Variants in SPMIP7 observed in about 807,000 individuals in gnomAD.
SPMIP7 encodes the protein sperm microtubule inner protein 7.
At chr7:50,158,245 A>T in the SPMIP7 span, among the ~76,000 whole-genome samples, 1 of 145,848 alleles carries the variant, frequency 6.9e-6, no homozygotes, top group East Asian at 2.1e-4. Context: ...TGAAGCCTGG[A>T]TCCCTCCCAC....
the SPMIP7 span, among the ~76,000 whole-genome samples, chr7:50,146,584 G>A: frequency 6.6e-6 from 1 of 152,138 alleles, no homozygotes; most frequent in Non-Finnish European, 1.5e-5. Flanking sequence ...AGTGATCAAA[G>A]TCATTGCAAA....
the SPMIP7 span, among the ~76,000 whole-genome samples, chr7:50,111,604 G>C: frequency 6.6e-6 from 1 of 152,054 alleles, no homozygotes; most frequent in Non-Finnish European, 1.5e-5. Context: ...TGCAAACTTC[G>C]AGCATACTTA....
chr7:50,153,746 A>G, the SPMIP7 span, among the ~76,000 whole-genome samples: 2 of 152,140 alleles, frequency 1.3e-5, no homozygotes, highest in Non-Finnish European at 2.9e-5. Context: ...TCAGGCAGTG[A>G]CTTGAAGGAG....
At chr7:50,125,361 T>TATATAC in the SPMIP7 span, among the ~76,000 whole-genome samples, 4 of 133,620 alleles carry the variant, frequency 3.0e-5, no homozygotes, top group African/African-American at 1.2e-4. Flanking sequence ...CACATATATA[T>TATATAC]ACACATATAT....
At chr7:50,140,833 C>A in the SPMIP7 span, among the ~76,000 whole-genome samples, 1 of 152,204 alleles carries the variant, frequency 6.6e-6, no homozygotes, top group Non-Finnish European at 1.5e-5. Context: ...ATTAACTCAG[C>A]CTCTCAACTT....
At chr7:50,156,485 T>C in the SPMIP7 span, among the ~76,000 whole-genome samples, 1 of 151,992 alleles carries the variant, frequency 6.6e-6, no homozygotes, top group African/African-American at 2.4e-5. Flanking sequence ...TAAGAGCTAA[T>C]GCCATTCCTG....
chr7:50,097,782 T>TA, the SPMIP7 span, among the ~76,000 whole-genome samples: 1 of 152,088 alleles, frequency 6.6e-6, no homozygotes, highest in Admixed American at 6.6e-5. Context: ...AAATGTCAGA[T>TA]TGTAAGAAGT....
chr7:50,110,981 A>C, the SPMIP7 span, among the ~76,000 whole-genome samples: 1 of 143,276 alleles, frequency 7.0e-6, no homozygotes, highest in Non-Finnish European at 1.5e-5. Flanking sequence ...ATCAGCTAAT[A>C]TATATAATAA....
At chr7:50,158,402 G>A in the SPMIP7 span, among the ~76,000 whole-genome samples, 10 of 146,656 alleles carry the variant, frequency 6.8e-5, no homozygotes, top group Non-Finnish European at 1.2e-4. Context: ...CAGGTCTCTG[G>A]GTGACCCACC....
At chr7:50,139,768 C>T in the SPMIP7 span, among the ~76,000 whole-genome samples, 2 of 152,140 alleles carry the variant, frequency 1.3e-5, no homozygotes, top group African/African-American at 4.8e-5. Flanking sequence ...TTCATGATCT[C>T]CAAAACCCAG....
chr7:50,112,195 C>A, the SPMIP7 span, among the ~76,000 whole-genome samples: 1 of 151,942 alleles, frequency 6.6e-6, no homozygotes, highest in African/African-American at 2.4e-5. Context: ...AGAGAATGAA[C>A]ATGAGATAAA....
the SPMIP7 span, among the ~76,000 whole-genome samples, chr7:50,137,605 A>T: frequency 6.6e-6 from 1 of 152,038 alleles, no homozygotes; most frequent in Admixed American, 6.6e-5. Context: ...TCTCCAAATG[A>T]GTTTCAACAA....
chr7:50,125,115 T>TATATATATATATATATATATACACACAC, the SPMIP7 span, among the ~76,000 whole-genome samples: 1 of 25,416 alleles, frequency 3.9e-5, no homozygotes, highest in African/African-American at 2.1e-4. Flanking sequence ...TATATATATA[T>TATATATATATATATATATATACACACAC]ACACACACAC....
the SPMIP7 span, chr7:50,140,242 T>A: frequency 1.0e-6 from 1 of 982,744 alleles, no homozygotes; most frequent in Non-Finnish European, 1.5e-6. Flanking sequence ...TTGTAGTTGC[T>A]TTCAGCTCAC....
chr7:50,131,282 A>G, the SPMIP7 span, among the ~76,000 whole-genome samples: 1 of 152,198 alleles, frequency 6.6e-6, no homozygotes, highest in African/African-American at 2.4e-5. Flanking sequence ...GACGACTCAA[A>G]AATGATTCTA....
the SPMIP7 span, among the ~76,000 whole-genome samples, chr7:50,158,830 AC>A: frequency 1.3e-5 from 2 of 151,368 alleles, no homozygotes; most frequent in Non-Finnish European, 2.9e-5. Context: ...TCTGCAGATC[AC>A]CCCCATCCCT....
the SPMIP7 span, chr7:50,096,043 C>G: frequency 8.0e-7 from 1 of 1,257,356 alleles, no homozygotes; most frequent in African/African-American, 1.5e-5. Flanking sequence ...AAGGAATTAT[C>G]AGAAATACTT....
the SPMIP7 span, among the ~76,000 whole-genome samples, chr7:50,128,473 T>C: frequency 6.6e-5 from 10 of 151,998 alleles, no homozygotes; most frequent in Non-Finnish European, 1.3e-4. Flanking sequence ...ATTCATATGT[T>C]TCTAGCACAA....
At chr7:50,135,855 G>A in the SPMIP7 span, among the ~76,000 whole-genome samples, 7 of 152,172 alleles carry the variant, frequency 4.6e-5, no homozygotes, top group Admixed American at 1.3e-4. Flanking sequence ...GAAACAGGTG[G>A]ATAATGAGAC....
Sources: allele counts gnomAD v4.1 joint callset (sites outside exome capture counted in the v4.1 genomes callset), GRCh38; gene constraint gnomAD v4.1.1; transcripts MANE v1.5; gene names NCBI Gene and HGNC (gene_info 2026-07-23, HGNC 2026-07-21).